The following MNAT1 variants were observed in gnomAD, a reference collection of about 807,000 sequenced individuals.
MNAT1 encodes the protein MNAT1 component of CDK activating kinase, also known as CDK-activating kinase assembly factor MAT1.
Under a neutral mutation model 42.0 loss-of-function variants are expected in MNAT1, and 43 were observed. That is an observed-to-expected ratio of 1.02 (90% CI 0.80 to 1.32). The LOEUF is 1.32. MNAT1 is among the 40% of genes most tolerant of loss of function. The pLI, the probability that MNAT1 is intolerant of heterozygous loss-of-function variation, is 0.00. For synonymous variants in MNAT1, 118 were observed against 120.0 expected, an observed-to-expected ratio of 0.98 and a Z score of 0.11; for missense variants, 306 against 350.4, an observed-to-expected ratio of 0.87 and a Z score of 1.01.
chr14:60,967,010 A>G (rs1040890870), intron 7 of MNAT1, among the ~76,000 whole-genome samples: 1 of 152,148 alleles, frequency 6.6e-6, no homozygotes, highest in Non-Finnish European at 1.5e-5. Flanking sequence ...TTCAATAAAT[A>G]TTCTCTTCTT....
At chr14:60,844,661 G>A (rs561556512) in intron 6 of MNAT1, among the ~76,000 whole-genome samples, 63 of 151,918 alleles carry the variant, frequency 4.1e-4, no homozygotes, top group African/African-American at 1.5e-3. Flanking sequence ...TTACTTCTCT[G>A]CCTTTTATTT....
intron 1 of MNAT1, among the ~76,000 whole-genome samples, chr14:60,754,323 A>G (rs956615844): frequency 2.0e-5 from 3 of 151,718 alleles, no homozygotes; most frequent in Non-Finnish European, 4.4e-5. Context: ...TTTTTTTAAT[A>G]ATAGGGAGAA....
Position 60,968,488 on chromosome 14 carries a change from A to G in MNAT1, c.*139A>G. On this transcript the variant is annotated 3_prime_UTR_variant, in exon 8 of 8. Transcript: ENST00000261245. Reference sequence around the variant, plus strand: ...GTGTTAAAGTATTTATAAGGAGAAAATTTCAGAACTAAGTTGAGTAATATA... The same window carrying G: ...GTGTTAAAGTATTTATAAGGAGAAAGTTTCAGAACTAAGTTGAGTAATATA... The G allele has an allele frequency of 6.6e-7, 1 of 1,503,872 alleles. No homozygotes were observed. Among genetic ancestry groups the G allele is most frequent in the Non-Finnish European group, 8.9e-7 (1 of 1,129,820 alleles). 93.2% of individuals were successfully genotyped at this position (1,503,872 alleles called of 1,614,324 possible).
intron 7 of MNAT1, among the ~76,000 whole-genome samples, chr14:60,922,425 T>C (rs2035681038): frequency 6.6e-6 from 1 of 152,196 alleles, no homozygotes. Context: ...AAATTTATTA[T>C]AGAGATGCAT....
chr14:60,905,895 A>T (rs1425765637), intron 7 of MNAT1, among the ~76,000 whole-genome samples: 2 of 152,176 alleles, frequency 1.3e-5, no homozygotes, highest in Non-Finnish European at 2.9e-5. Context: ...ACGCACCCAG[A>T]AATAATGTTT....
chr14:60,747,561 C>A (rs1047222063), intron 1 of MNAT1, among the ~76,000 whole-genome samples: 1 of 152,028 alleles, frequency 6.6e-6, no homozygotes, highest in African/African-American at 2.4e-5. Flanking sequence ...AAAAATGATA[C>A]GCCTATATAG....
chr14:60,798,794 A>G (rs1038585477), intron 3 of MNAT1, among the ~76,000 whole-genome samples: 4 of 152,186 alleles, frequency 2.6e-5, no homozygotes, highest in Non-Finnish European at 4.4e-5. Context: ...TTAAAAAATA[A>G]TGCTGCTTTT....
At chr14:60,751,182 T>C (rs2030076813) in intron 1 of MNAT1, among the ~76,000 whole-genome samples, 1 of 152,050 alleles carries the variant, frequency 6.6e-6, no homozygotes, top group Non-Finnish European at 1.5e-5. Flanking sequence ...CTCCAGTCTC[T>C]TTTTTTGTGT....
At chr14:60,781,785 A>G (rs1192899858) in intron 1 of MNAT1, among the ~76,000 whole-genome samples, 1 of 152,112 alleles carries the variant, frequency 6.6e-6, no homozygotes, top group East Asian at 1.9e-4. Flanking sequence ...GTATAGGGTG[A>G]AAGATAGGGA....
intron 7 of MNAT1, among the ~76,000 whole-genome samples, chr14:60,893,720 G>A (rs1267171502): frequency 6.6e-6 from 1 of 152,020 alleles, no homozygotes; most frequent in East Asian, 1.9e-4. Context: ...AGTGCTGGAA[G>A]GAGTTTTCTA....
At chr14:60,929,004 C>T (rs980493620) in intron 7 of MNAT1, among the ~76,000 whole-genome samples, 4 of 150,546 alleles carry the variant, frequency 2.7e-5, no homozygotes, top group Non-Finnish European at 4.4e-5. Context: ...AAAAATTAGC[C>T]AGTGTGGTCG....
chr14:60,893,859 GGAA>G (rs1389768209), intron 7 of MNAT1, among the ~76,000 whole-genome samples: 2 of 152,060 alleles, frequency 1.3e-5, no homozygotes, highest in East Asian at 3.9e-4. Flanking sequence ...TCTTATGGTG[GGAA>G]GAAGGTTTTT....
chr14:60,905,337 C>T (rs577067451), intron 7 of MNAT1, among the ~76,000 whole-genome samples: 11 of 152,060 alleles, frequency 7.2e-5, no homozygotes, highest in East Asian at 1.9e-4. Context: ...AATAACAGTA[C>T]ATTATTGAAT....
At chr14:60,868,195 AT>A (rs1428613301) in intron 6 of MNAT1, among the ~76,000 whole-genome samples, 2 of 152,200 alleles carry the variant, frequency 1.3e-5, no homozygotes, top group Non-Finnish European at 2.9e-5. Flanking sequence ...CTATTAGAAA[AT>A]ATATTCACAT....
At chr14:60,856,871 G>T (rs1228897419) in intron 6 of MNAT1, among the ~76,000 whole-genome samples, 1 of 151,986 alleles carries the variant, frequency 6.6e-6, no homozygotes, top group Non-Finnish European at 1.5e-5. Flanking sequence ...AGTAGAGATG[G>T]GGTTTCACCA....
intron 7 of MNAT1, among the ~76,000 whole-genome samples, chr14:60,964,392 G>T (rs2036647405): frequency 6.6e-6 from 1 of 152,098 alleles, no homozygotes; most frequent in Non-Finnish European, 1.5e-5. Flanking sequence ...CTTTGTACAA[G>T]AATTATCTTA....
rs1201553175 is a variant in MNAT1, at chr14:60,734,929, G to T, written c.67G>T (p.Val23Leu). 6.2e-7 allele frequency: 1 copy of T among 1,614,200 alleles called. No homozygotes were observed. The highest frequency in any genetic ancestry group is 1.7e-5 in the Admixed American group (1 of 60,024). The change falls in exon 1 of 8, where the codon GTG (valine) becomes TTG (leucine). Residue 23 changes from valine (V) to leucine (L), a missense_variant. This residue lies in a region of MNAT1 where 72 missense variants were observed against 111.0 expected (regional missense o/e 0.65). Transcript: ENST00000261245. This position sits in a 1 kb window ranked among gnomAD's most constrained non-coding sequence, Gnocchi z 4.3. ...TCGGAACCCCTCCTTGAAGCTGATG[G>T]TGAATGTGTGCGGACACACTCTGTG... ...KYRNPSLKLMVNVCGHTLCES... is the reference protein window; with the variant it reads ...KYRNPSLKLMLNVCGHTLCES...
Position 60,740,983 on chromosome 14 carries a change from G to T in MNAT1, c.89+6032G>T, listed in dbSNP as rs929017601. ...ATTACTCCACTATGATTATAGATTT[G>T]TCAGTTTTTCTTGTAAGTTTTGTCA... On this transcript the variant is annotated intron_variant, in intron 1 of 7. Transcript: ENST00000261245. This position sits in a 1 kb window ranked among gnomAD's most constrained non-coding sequence, Gnocchi z 4.1. Among the ~76,000 whole-genome samples, 1 of 152,062 alleles carries T rather than the reference G, an allele frequency of 6.6e-6. No homozygotes were observed.
rs183234585 is a variant in MNAT1 at position 60,885,571 on chromosome 14, A to G, written c.809+5736A>G. On this transcript the variant is annotated intron_variant, in intron 7 of 7. Transcript: ENST00000261245. ...ATATGTTATCTTTGGGGAAATGACT[A>G]TTCAGGTCCTTTGCCCATTTTTAAG... Among the ~76,000 whole-genome samples, 11 of 152,164 alleles carry G rather than the reference A, an allele frequency of 7.2e-5. No homozygotes were observed. In the East Asian group the frequency reaches 1.9e-3, roughly 27 times the overall value.
Sources: gnomAD v4.1 joint callset for allele counts (sites outside exome capture counted in the v4.1 genomes callset) on GRCh38, gnomAD v4.1.1 for gene constraint, gnomAD v4.1.1 regional missense constraint, Gnocchi (gnomAD v3.1) non-coding constraint, MANE v1.5 for transcripts, NCBI Gene and HGNC (gene_info 2026-07-23, HGNC 2026-07-21) for gene names.